Variants in UBAP2 observed in about 807,000 individuals in gnomAD.
UBAP2 encodes ubiquitin associated protein 2.
UBAP2 carries 75 observed loss-of-function variants against 139.6 expected under a neutral mutation model. The ratio of observed to expected loss-of-function variants is 0.54; its 90% CI spans 0.45 to 0.65. UBAP2 has a LOEUF of 0.65. Among genes scored for constraint, UBAP2 ranks in the 30% least tolerant of loss-of-function variants. The pLI, the probability that UBAP2 is intolerant of heterozygous loss-of-function variation, is 0.00. For missense variants in UBAP2, 1,368 were observed against 1,369.6 expected, an observed-to-expected ratio of 1.00 and a Z score of 0.02; for synonymous variants, 526 against 526.2, an observed-to-expected ratio of 1.00 and a Z score of 0.01.
At chr9:33,982,734 CTTTTA>C (rs975851020) in intron 6 of UBAP2, among the ~76,000 whole-genome samples, 1 of 152,128 alleles carries the variant, frequency 6.6e-6, no homozygotes, top group Non-Finnish European at 1.5e-5. Flanking sequence ...GGTCTGTTAA[CTTTTA>C]TTTATTTGGG....
chr9:33,943,507 G>A lies in UBAP2; in HGVS notation c.1628C>T (p.Ser543Leu), dbSNP rs144832217. ...NVQFGALEFG[S>L]EPSLSEFGSA... ...TCCAAATTCAGAGAGAGAAGGTTCT[G>A]ACCCAAATTCCAGAGCCCCAAACTG... Residue 543 changes from serine (S) to leucine (L), a missense_variant, in exon 15 of 29, where the codon TCA becomes TTA. By Grantham distance (145) the Ser-to-Leu change is moderately radical. Coordinates refer to ENST00000379238, the MANE Select transcript of UBAP2 (RefSeq NM_001370062.2). 1.1e-3 allele frequency: 1,752 copies of A among 1,614,178 alleles called. 17 individuals are homozygous for A. In the African/African-American group the frequency reaches 0.021, roughly 19 times the overall value.
chr9:34,047,551 CA>C (rs1827715534), intron 1 of UBAP2, among the ~76,000 whole-genome samples: 1 of 152,184 alleles, frequency 6.6e-6, no homozygotes, highest in South Asian at 2.1e-4. Flanking sequence ...GTGAGGAATG[CA>C]ATAACTAGTC....
chr9:33,932,415 C>T (rs1824063585), intron 19 of UBAP2, 147 bp downstream of exon 19: 6 of 896,910 alleles, frequency 6.7e-6, no homozygotes, highest in Non-Finnish European at 8.2e-6. Flanking sequence ...ATCAGAAGCT[C>T]GAACCAGATC....
At chr9:33,926,779 T>C in intron 21 of UBAP2, 115 bp from the exon 22 acceptor site, 1 of 1,161,230 alleles carries the variant, frequency 8.6e-7, no homozygotes, top group East Asian at 2.3e-5. Flanking sequence ...GGGAATGGGA[T>C]CTGGATTAGC....
chr9:33,960,295 T>C (rs1045916890), intron 10 of UBAP2, among the ~76,000 whole-genome samples: 1 of 152,148 alleles, frequency 6.6e-6, no homozygotes, highest in African/African-American at 2.4e-5. Flanking sequence ...CAATTGGTCA[T>C]TTTTAAGCAC....
At chr9:34,019,353 A>C (rs539273144) in intron 1 of UBAP2, among the ~76,000 whole-genome samples, 13 of 152,254 alleles carry the variant, frequency 8.5e-5, no homozygotes, top group African/African-American at 2.6e-4. Flanking sequence ...CAGTGAGCCA[A>C]GGTAGTGCCA....
intron 12 of UBAP2, 39 bp from the exon 13 acceptor site, chr9:33,948,626 C>T: frequency 6.4e-7 from 1 of 1,574,412 alleles, no homozygotes; most frequent in African/African-American, 1.4e-5. Flanking sequence ...CTCAACAATA[C>T]AGAATTTCTG....
At chr9:33,947,834 AAAAAT>A (rs1044503639) in intron 13 of UBAP2, among the ~76,000 whole-genome samples, 3 of 151,480 alleles carry the variant, frequency 2.0e-5, no homozygotes, top group Non-Finnish European at 2.9e-5. Context: ...CAAAAAAAAA[AAAAAT>A]AAAATAATAG....
chr9:33,975,072 A>G (rs1370480413), intron 6 of UBAP2, among the ~76,000 whole-genome samples: 1 of 152,198 alleles, frequency 6.6e-6, no homozygotes, highest in Non-Finnish European at 1.5e-5. Flanking sequence ...CAAAACCACA[A>G]TAAAATACAA....
At chr9:33,932,887 T>A (rs1824118201) in intron 18 of UBAP2, among the ~76,000 whole-genome samples, 1 of 152,114 alleles carries the variant, frequency 6.6e-6, no homozygotes. Flanking sequence ...ATGCGAAAAG[T>A]GAAGACAGAG....
chr9:33,960,798 A>G, intron 10 of UBAP2, 28 bp downstream of exon 10: 1 of 1,589,952 alleles, frequency 6.3e-7, no homozygotes, highest in Non-Finnish European at 8.5e-7. Context: ...AAAAAAAAGA[A>G]AGGTCTCATC....
chr9:33,956,576 A>C (rs1171763641), intron 10 of UBAP2, among the ~76,000 whole-genome samples: 1 of 152,032 alleles, frequency 6.6e-6, no homozygotes, highest in Non-Finnish European at 1.5e-5. Flanking sequence ...TGATGCACCC[A>C]CCTTGACCTC....
At chr9:34,048,283 C>T (rs112566653) in intron 1 of UBAP2, among the ~76,000 whole-genome samples, 2 of 152,162 alleles carry the variant, frequency 1.3e-5, no homozygotes, top group African/African-American at 4.8e-5. Flanking sequence ...TGGAGGAAAA[C>T]TGAGTCCCAA....
chr9:33,980,029 C>G (rs990060861), intron 6 of UBAP2, among the ~76,000 whole-genome samples: 1 of 151,420 alleles, frequency 6.6e-6, no homozygotes, highest in Non-Finnish European at 1.5e-5. Context: ...GCCGAGATCA[C>G]GCCACTGCAC....
chr9:34,012,212 T>C (rs1207498913), intron 2 of UBAP2, among the ~76,000 whole-genome samples: 1 of 152,228 alleles, frequency 6.6e-6, no homozygotes, highest in Non-Finnish European at 1.5e-5. Flanking sequence ...GAATACAATG[T>C]ATATTCCACA....
chr9:34,019,951 G>A (rs905506774), intron 1 of UBAP2, among the ~76,000 whole-genome samples: 5 of 151,728 alleles, frequency 3.3e-5, no homozygotes, highest in Admixed American at 6.6e-5. Flanking sequence ...CACGAGGTCA[G>A]GAGTTCGAGA....
At chr9:33,996,764 A>T (rs1564054162) in intron 3 of UBAP2, 1 of 161,418 alleles carries the variant, frequency 6.2e-6, no homozygotes, top group Non-Finnish European at 1.3e-5. Flanking sequence ...ACAATATTCC[A>T]TATGCTGGCT....
chr9:33,930,018 G>C (rs552881383), intron 19 of UBAP2, among the ~76,000 whole-genome samples: 4 of 151,396 alleles, frequency 2.6e-5, no homozygotes, highest in Non-Finnish European at 4.4e-5. Context: ...AAAATAATAA[G>C]AAATAAATAA....
rs755579665 is a variant in UBAP2, at chr9:33,927,811, G to A, written c.2357C>T (p.Pro786Leu). The A allele has an allele frequency of 6.2e-7, 1 of 1,612,158 alleles. No individual in the cohort carries two copies. The highest frequency in any genetic ancestry group is 1.1e-5 in the South Asian group (1 of 90,860). ...SASSSSSRAA[P>L]LVTSGKAPPN... ...GGAGCAAATACCTGAGGTCACCAAG[G>A]GCGCGGCCCTGCTACTGCTGCTGGA... The change falls in exon 20 of 29, where the codon CCC (proline) becomes CTC (leucine). Residue 786 changes from proline to leucine, a missense_variant. Pro to Leu is a moderately conservative substitution (Grantham distance 98). Coordinates refer to ENST00000379238, the MANE Select transcript of UBAP2 (RefSeq NM_001370062.2).
Sources: allele counts gnomAD v4.1 joint callset (sites outside exome capture counted in the v4.1 genomes callset), GRCh38; gene constraint gnomAD v4.1.1; transcripts MANE v1.5; gene names NCBI Gene and HGNC (gene_info 2026-07-23, HGNC 2026-07-21).